The following DTD1 variants were observed in gnomAD, a reference collection of about 807,000 sequenced individuals.
DTD1 encodes D-tyrosyl-tRNA deacylase 1 homolog.
DTD1 carries 13 observed loss-of-function variants against 25.6 expected under a neutral mutation model. The observed-to-expected ratio is 0.51, with a 90% CI of 0.33 to 0.81. The LOEUF (loss-of-function observed/expected upper bound fraction) is 0.81, where lower values mean the gene tolerates loss of function less well. Among genes scored for constraint, DTD1 ranks in the 30% least tolerant of loss-of-function variants. The pLI is 0.02. For synonymous variants in DTD1, 110 were observed against 103.6 expected (o/e 1.06, Z -0.37); for missense variants, 193 against 266.4 (o/e 0.72, Z 1.92).
intron 4 of DTD1, among the ~76,000 whole-genome samples, chr20:18,733,868 C>T (rs2061247080): frequency 1.3e-5 from 2 of 152,162 alleles, no homozygotes; most frequent in Admixed American, 1.3e-4. Flanking sequence ...TGTTAAGCAA[C>T]CAGTTGATTT....
At chr20:18,682,485 G>A (rs148540660) in intron 4 of DTD1, among the ~76,000 whole-genome samples, 2 of 152,312 alleles carry the variant, frequency 1.3e-5, no homozygotes, top group East Asian at 3.9e-4. Flanking sequence ...GTAAATGTAT[G>A]TTCCTGTTAG....
intron 4 of DTD1, among the ~76,000 whole-genome samples, chr20:18,640,495 G>A (rs1213121067): frequency 1.3e-5 from 2 of 151,676 alleles, no homozygotes; most frequent in Non-Finnish European, 2.9e-5. Context: ...GGTATCTCTG[G>A]GTGGGTATAT....
At chr20:18,712,970 A>G (rs1273880420) in intron 4 of DTD1, among the ~76,000 whole-genome samples, 3 of 152,142 alleles carry the variant, frequency 2.0e-5, no homozygotes, top group East Asian at 3.9e-4. Flanking sequence ...CTGTAATGGG[A>G]TTACCATTTT....
chr20:18,598,584 G>A (rs1285447629), intron 3 of DTD1, among the ~76,000 whole-genome samples: 1 of 151,438 alleles, frequency 6.6e-6, no homozygotes, highest in African/African-American at 2.4e-5. Context: ...TGCAAGCTCT[G>A]CCTCCCGGGC....
intron 4 of DTD1, chr20:18,632,207 A>G (rs1407057807): frequency 5.1e-6 from 5 of 985,294 alleles, no homozygotes; most frequent in African/African-American, 1.7e-5. Flanking sequence ...TTAAACTTCT[A>G]ACGAGCCATG....
At chr20:18,701,270 C>T (rs2061103411) in intron 4 of DTD1, among the ~76,000 whole-genome samples, 1 of 152,144 alleles carries the variant, frequency 6.6e-6, no homozygotes, top group African/African-American at 2.4e-5. Context: ...GGAGAGAAAA[C>T]ATGTTACCTA....
intron 4 of DTD1, among the ~76,000 whole-genome samples, chr20:18,648,683 C>T (rs1435844358): frequency 1.3e-5 from 2 of 151,932 alleles, no homozygotes; most frequent in Non-Finnish European, 2.9e-5. Flanking sequence ...TAACCAAGGA[C>T]AAATAAAAAA....
intron 3 of DTD1, among the ~76,000 whole-genome samples, chr20:18,600,309 CT>C (rs930667353): frequency 6.6e-6 from 1 of 152,104 alleles, no homozygotes; most frequent in South Asian, 2.1e-4. Flanking sequence ...TCTAGAGGCG[CT>C]TTTTTGTATG....
At chr20:18,708,268 TATATATATA>T (rs1166851484) in intron 4 of DTD1, among the ~76,000 whole-genome samples, 6,022 of 28,762 alleles carry the variant, frequency 0.21, 687 homozygotes, top group Non-Finnish European at 0.29. Flanking sequence ...ATATATTTTA[TATATATATA>T]ATATATATTA....
intron 4 of DTD1, among the ~76,000 whole-genome samples, chr20:18,741,897 A>ATTTT (rs57912866): frequency 1.2e-3 from 105 of 88,698 alleles, no homozygotes; most frequent in African/African-American, 4.0e-3. Flanking sequence ...TAACCTTTGT[A>ATTTT]TTTTTTTTTT....
chr20:18,732,370 C>T (rs183979547), intron 4 of DTD1, among the ~76,000 whole-genome samples: 6 of 152,208 alleles, frequency 3.9e-5, no homozygotes, highest in East Asian at 1.9e-4. Context: ...AGACATGTGC[C>T]GACAGGGTAA....
Position 18,596,000 on chromosome 20 carries a change from C to G in DTD1, c.135-6C>G. 1 of 1,613,506 alleles carries G rather than the reference C, an allele frequency of 6.2e-7. No homozygotes were observed. The highest frequency in any genetic ancestry group is 8.5e-7 in the Non-Finnish European group (1 of 1,179,518). ...AGGTAGCTCTCACTGCTCTTTTTCC[C>G]CTTAGGGTCCGAAAGATTCTAAACC... On this transcript the variant is annotated splice_polypyrimidine_tract_variant and splice_region_variant and intron_variant, in intron 2 of 5. Transcript: ENST00000377452.
chr20:18,759,873 A>G (rs1272103577), intron 5 of DTD1, among the ~76,000 whole-genome samples: 2 of 152,146 alleles, frequency 1.3e-5, no homozygotes, highest in African/African-American at 4.8e-5. Flanking sequence ...CAGGTACACC[A>G]ATCAGATGTA....
At chr20:18,682,421 A>T (rs558150517) in intron 4 of DTD1, among the ~76,000 whole-genome samples, 1 of 152,340 alleles carries the variant, frequency 6.6e-6, no homozygotes, top group South Asian at 2.1e-4. Context: ...TTAATCCACT[A>T]ATAGTGTCTT....
intron 4 of DTD1, chr20:18,643,325 G>A (rs979104792): frequency 2.5e-5 from 7 of 276,898 alleles, no homozygotes; most frequent in East Asian, 9.8e-5. Context: ...TAGGTAGTAC[G>A]ACACCGTCTG....
chr20:18,657,247 C>T (rs923570392), intron 4 of DTD1, among the ~76,000 whole-genome samples: 9 of 152,056 alleles, frequency 5.9e-5, no homozygotes, highest in African/African-American at 1.9e-4. Flanking sequence ...CCTACTTTGC[C>T]GATTAACAGG....
At chr20:18,699,724 A>G (rs2061095427) in intron 4 of DTD1, among the ~76,000 whole-genome samples, 1 of 152,150 alleles carries the variant, frequency 6.6e-6, no homozygotes, top group African/African-American at 2.4e-5. Context: ...GGAAAGTACC[A>G]TTGGGCTTGC....
intron 1 of DTD1, 66 bp downstream of exon 1, chr20:18,588,181 G>GGGGGGTCTTCCTGCGCCATCCT: frequency 8.3e-7 from 1 of 1,202,042 alleles, no homozygotes; most frequent in Non-Finnish European, 1.0e-6. Context: ...TGTCTTGCGT[G>GGGGGGTCTTCCTGCGCCATCCT]GGGGGTCTTC....
At chr20:18,687,965 C>T (rs1049625967) in intron 4 of DTD1, among the ~76,000 whole-genome samples, 2 of 152,220 alleles carry the variant, frequency 1.3e-5, no homozygotes, top group Non-Finnish European at 2.9e-5. Context: ...AAGGTATCAT[C>T]GCATCCCACT....
Sources: allele counts gnomAD v4.1 joint callset (sites outside exome capture counted in the v4.1 genomes callset), GRCh38; gene constraint gnomAD v4.1.1; transcripts MANE v1.5; gene names NCBI Gene and HGNC (gene_info 2026-07-23, HGNC 2026-07-21).